OSTC: variants seen among roughly 807,000 people sequenced by gnomAD.
The protein encoded by OSTC is oligosaccharyltransferase complex non-catalytic subunit, also known as oligosaccharyltransferase complex subunit OSTC.
In OSTC, 16 loss-of-function variants were observed where a neutral mutation model predicts 16.4. The ratio of observed to expected loss-of-function variants is 0.98; its 90% CI spans 0.66 to 1.49. The LOEUF (loss-of-function observed/expected upper bound fraction) is 1.49, where lower values mean the gene tolerates loss of function less well. OSTC is among the 40% of genes most tolerant of loss of function. OSTC has a pLI of 0.00. For missense variants in OSTC, 139 were observed against 186.3 expected (o/e 0.75, Z 1.48); for synonymous variants, 67 against 68.5 (o/e 0.98, Z 0.11).
At chr4:108,664,213 A>G (rs1726935946) in intron 3 of OSTC, among the ~76,000 whole-genome samples, 1 of 152,178 alleles carries the variant, frequency 6.6e-6, no homozygotes, top group Non-Finnish European at 1.5e-5. Flanking sequence ...GTCTATTTAA[A>G]TATTCTTTTC....
chr4:108,657,690 A>T lies in OSTC; in HGVS notation c.431+43A>T, dbSNP rs760266020. 12 of 1,495,758 alleles carry T rather than the reference A, an allele frequency of 8.0e-6. No individual in the cohort carries two copies. In the East Asian group the frequency reaches 2.5e-4, roughly 31 times the overall value. The allele number at this position is 1,495,758 out of a possible 1,614,324, so 92.7% of individuals were successfully genotyped here. A position where few individuals can be genotyped will look rare whatever the true frequency, so the allele number is the denominator to read the frequency against. ...TCAGCACCTTATGTTGCAAATTGGT[A>T]AAATGATTACCTGGAAAATGTAAAG... is the stretch of plus-strand genomic sequence containing the variant. On this transcript the variant is annotated intron_variant, in intron 3 of 3. Coordinates refer to ENST00000361564, the MANE Select transcript of OSTC (RefSeq NM_021227.4).
intron 3 of OSTC, 80 bp from the exon 4 acceptor site, chr4:108,667,167 G>C: frequency 8.5e-7 from 1 of 1,180,782 alleles, no homozygotes; most frequent in Non-Finnish European, 1.2e-6. Context: ...ATTTGTTTTG[G>C]CATTTTGAAA....
At chr4:108,658,443 G>GTGTGTGTA (rs1726768370) in intron 3 of OSTC, among the ~76,000 whole-genome samples, 1 of 151,824 alleles carries the variant, frequency 6.6e-6, no homozygotes, top group Admixed American at 6.6e-5. Context: ...GTGTGTGTGT[G>GTGTGTGTA]TGTATGTGTG....
intron 3 of OSTC, among the ~76,000 whole-genome samples, chr4:108,666,120 C>G (rs1319912413): frequency 2.6e-5 from 4 of 152,152 alleles, no homozygotes; most frequent in Non-Finnish European, 5.9e-5. Context: ...GTTATCCAGA[C>G]ATTTCCTGAA....
At position 108,657,793 on chromosome 4, in the gene OSTC, T is replaced by C. The variant is rs1726748630; in HGVS notation, c.431+146T>C. 5.6e-6 allele frequency: 4 copies of C among 713,128 alleles called. No homozygotes were observed. The Admixed American group carries it at 1.2e-4, about 21-fold the overall frequency. 44.2% of individuals were successfully genotyped at this position (713,128 alleles called of 1,614,324 possible). ...CAAATATATTTGTAACTTGGTCAGG[T>C]TACAGCTATAGTTAATAAAAATTGA... is the stretch of plus-strand genomic sequence containing the variant. On this transcript the variant is annotated intron_variant, in intron 3 of 3. Coordinates refer to ENST00000361564, the MANE Select transcript of OSTC (RefSeq NM_021227.4).
In OSTC at chr4:108,667,269, G is replaced by C. The variant is rs1727033044; in HGVS notation, c.*4G>C. The C allele has an allele frequency of 6.2e-7, 1 of 1,608,914 alleles. No homozygotes were observed. The highest frequency in any genetic ancestry group is 1.3e-5 in the African/African-American group (1 of 74,780). On this transcript the variant is annotated 3_prime_UTR_variant, in exon 4 of 4. Transcript: ENST00000361564. ...CAGGGGCTATCTGATGGGTTAGAGT[G>C]CCTTTGAGAAGAAATCAGTGGATAC...
intron 3 of OSTC, 24 bp from the exon 4 acceptor site, chr4:108,667,223 G>A (rs756512059): frequency 1.0e-5 from 16 of 1,594,664 alleles, no homozygotes; most frequent in South Asian, 8.0e-5. Flanking sequence ...TTCACTTTTT[G>A]TGCTTATAAT....
chr4:108,651,757 AGC>A (rs1435431468), intron 1 of OSTC, among the ~76,000 whole-genome samples: 2 of 152,214 alleles, frequency 1.3e-5, no homozygotes, highest in Non-Finnish European at 2.9e-5. Context: ...GATTTGGGAT[AGC>A]AAAAGTAGTT....
intron 3 of OSTC, among the ~76,000 whole-genome samples, chr4:108,665,607 T>C (rs1726977049): frequency 6.6e-6 from 1 of 151,272 alleles, no homozygotes; most frequent in Non-Finnish European, 1.5e-5. Flanking sequence ...TTGCCCAGGC[T>C]GGAGTGCAAT....
chr4:108,655,991 A>G (rs1726690046), intron 2 of OSTC, among the ~76,000 whole-genome samples: 1 of 152,018 alleles, frequency 6.6e-6, no homozygotes, highest in African/African-American at 2.4e-5. Context: ...AAGTATGCCC[A>G]TGTGTTTTAT....
intron 3 of OSTC, among the ~76,000 whole-genome samples, chr4:108,666,187 C>A (rs898938633): frequency 4.6e-5 from 7 of 152,218 alleles, no homozygotes; most frequent in Non-Finnish European, 1.0e-4. Flanking sequence ...CTCAGAGGCT[C>A]ACCTCCCAGT....
At chr4:108,662,775 A>G (rs1726890121) in intron 3 of OSTC, among the ~76,000 whole-genome samples, 1 of 152,178 alleles carries the variant, frequency 6.6e-6, no homozygotes, top group Non-Finnish European at 1.5e-5. Flanking sequence ...TATATTTTAG[A>G]GAGTTAAGGC....
chr4:108,660,880 C>T (rs1726838998), intron 3 of OSTC, among the ~76,000 whole-genome samples: 1 of 152,150 alleles, frequency 6.6e-6, no homozygotes, highest in Non-Finnish European at 1.5e-5. Context: ...CTAATTAAAA[C>T]ATGTTTTATT....
intron 1 of OSTC, among the ~76,000 whole-genome samples, chr4:108,655,311 C>A (rs1425890921): frequency 6.6e-6 from 1 of 152,010 alleles, no homozygotes; most frequent in Non-Finnish European, 1.5e-5. Flanking sequence ...ACTAAAAATA[C>A]AAAAATTAGC....
At chr4:108,661,125 C>T (rs1578341416) in intron 3 of OSTC, among the ~76,000 whole-genome samples, 2 of 148,720 alleles carry the variant, frequency 1.3e-5, no homozygotes, top group South Asian at 4.2e-4. Flanking sequence ...GGCTGAGGCA[C>T]GAGAATTGCA....
rs180931058 is a variant in OSTC at position 108,659,226 on chromosome 4, C to T, written c.431+1579C>T. Among the ~76,000 whole-genome samples the T allele has an allele frequency of 2.6e-3, 389 of 150,478 alleles. 4 individuals are homozygous for T. The highest frequency in any genetic ancestry group is 4.5e-3 in the Non-Finnish European group (305 of 67,646). On this transcript the variant is annotated intron_variant, in intron 3 of 3. Transcript: ENST00000361564. ...GGAACGCTTGACTTCATGATCGACC[C>T]GCCTCAGCCTCCCAAAGTGCTGGGA...
intron 3 of OSTC, among the ~76,000 whole-genome samples, chr4:108,660,630 A>C (rs1364891404): frequency 6.6e-6 from 1 of 152,204 alleles, no homozygotes; most frequent in African/African-American, 2.4e-5. Context: ...AAAAAACACC[A>C]ATAGCCACTG....
chr4:108,663,994 G>C (rs1726930210), intron 3 of OSTC, among the ~76,000 whole-genome samples: 1 of 152,184 alleles, frequency 6.6e-6, no homozygotes, highest in African/African-American at 2.4e-5. Context: ...TCTGGGTCAA[G>C]AGAGGGGGCT....
intron 1 of OSTC, 48 bp from the exon 2 acceptor site, chr4:108,655,516 T>C (rs1239856280): frequency 3.2e-6 from 4 of 1,235,110 alleles, no homozygotes; most frequent in Non-Finnish European, 3.5e-6. Context: ...AATCCTGTTT[T>C]CAAAAATTAG....
Sources: gnomAD v4.1 joint callset for allele counts (sites outside exome capture counted in the v4.1 genomes callset) on GRCh38, gnomAD v4.1.1 for gene constraint, MANE v1.5 for transcripts, NCBI Gene and HGNC (gene_info 2026-07-23, HGNC 2026-07-21) for gene names.